Variants in ZNF804B observed in about 807,000 individuals in gnomAD.
ZNF804B encodes the protein zinc finger protein 804B, also known as zinc finger 804B.
A neutral mutation model predicts 101.4 loss-of-function variants in ZNF804B; 80 were observed. The ratio of observed to expected loss-of-function variants is 0.79; its 90% CI spans 0.66 to 0.95. The LOEUF (loss-of-function observed/expected upper bound fraction) is 0.95. ZNF804B is among the 40% of genes least tolerant of loss of function. The pLI, the probability that ZNF804B is intolerant of heterozygous loss-of-function variation, is 0.00. For synonymous variants in ZNF804B, 622 were observed against 558.8 expected, an observed-to-expected ratio of 1.11 and a Z score of -1.59; for missense variants, 1,673 against 1,561.9, an observed-to-expected ratio of 1.07 and a Z score of -1.20.
chr7:89,123,798 G>T (rs919873329), intron 1 of ZNF804B, among the ~76,000 whole-genome samples: 2 of 152,112 alleles, frequency 1.3e-5, no homozygotes, highest in African/African-American at 4.8e-5. Flanking sequence ...AATACAAGTA[G>T]TAATTGGTTT....
chr7:89,336,806 C>T lies in ZNF804B; in HGVS notation c.3824C>T (p.Pro1275Leu), dbSNP rs199881025. ...CCCCTGCATTTAGTAGCTGCTACCC[C>T]CTTCCACCCATCTCACATAACACTT... ...GHPLHLVAAT[P>L]FHPSHITLQP... Residue 1275 changes from proline to leucine, a missense_variant, in exon 4 of 4, where the codon CCC becomes CTC. Coordinates refer to ENST00000333190, the MANE Select transcript of ZNF804B (RefSeq NM_181646.5). The T allele has an allele frequency of 4.3e-6, 7 of 1,613,918 alleles. No individual in the cohort carries two copies. The highest frequency in any genetic ancestry group is 3.3e-5 in the South Asian group (3 of 91,080).
intron 1 of ZNF804B, among the ~76,000 whole-genome samples, chr7:89,089,639 C>A (rs977950819): frequency 1.3e-5 from 2 of 151,416 alleles, no homozygotes; most frequent in Non-Finnish European, 3.0e-5. Context: ...CAACATCAAA[C>A]AAAACATCTA....
chr7:88,911,903 T>C (rs1332809132), intron 1 of ZNF804B, among the ~76,000 whole-genome samples: 2 of 151,880 alleles, frequency 1.3e-5, no homozygotes, highest in Non-Finnish European at 2.9e-5. Context: ...GTATATCTAG[T>C]ATCTTTTAAG....
chr7:89,196,506 A>C (rs1383498454), intron 1 of ZNF804B, among the ~76,000 whole-genome samples: 1 of 152,090 alleles, frequency 6.6e-6, no homozygotes, highest in Non-Finnish European at 1.5e-5. Context: ...TAAATGTAAA[A>C]CCCAAAACCA....
chr7:89,329,483 A>C (rs2115987753), intron 3 of ZNF804B, among the ~76,000 whole-genome samples: 1 of 151,826 alleles, frequency 6.6e-6, no homozygotes, highest in African/African-American at 2.4e-5. Flanking sequence ...TTTCCTCATA[A>C]TGAGGGCTTC....
At chr7:89,106,343 T>G (rs1179186510) in intron 1 of ZNF804B, among the ~76,000 whole-genome samples, 1 of 152,136 alleles carries the variant, frequency 6.6e-6, no homozygotes, top group African/African-American at 2.4e-5. Flanking sequence ...TTAAAGGAGT[T>G]TTTTATACTT....
intron 1 of ZNF804B, among the ~76,000 whole-genome samples, chr7:88,813,301 C>A (rs561951132): frequency 7.0e-4 from 106 of 151,674 alleles, no homozygotes; most frequent in African/African-American, 2.4e-3. Flanking sequence ...GTGGCGGGCG[C>A]ATGTAGTCCC....
At chr7:89,020,411 T>A (rs1284543757) in intron 1 of ZNF804B, among the ~76,000 whole-genome samples, 1 of 152,160 alleles carries the variant, frequency 6.6e-6, no homozygotes, top group Admixed American at 6.5e-5. Flanking sequence ...ACCTTTAAGA[T>A]TTCTGCTGAG....
intron 1 of ZNF804B, among the ~76,000 whole-genome samples, chr7:89,089,108 T>A (rs1042361914): frequency 6.6e-6 from 1 of 150,842 alleles, no homozygotes; most frequent in Admixed American, 6.6e-5. Context: ...TATAGCATAC[T>A]AGCTTAAATG....
chr7:89,314,462 C>A (rs944955428), intron 2 of ZNF804B, among the ~76,000 whole-genome samples: 4 of 152,158 alleles, frequency 2.6e-5, no homozygotes, highest in Non-Finnish European at 4.4e-5. Context: ...TCAATGGAAT[C>A]CCACTGCTGG....
intron 3 of ZNF804B, among the ~76,000 whole-genome samples, chr7:89,327,758 C>G (rs1322454530): frequency 6.6e-6 from 1 of 151,838 alleles, no homozygotes; most frequent in East Asian, 1.9e-4. Context: ...AATATCACTT[C>G]TTAATATATT....
intron 1 of ZNF804B, among the ~76,000 whole-genome samples, chr7:89,038,322 A>G (rs1584089004): frequency 6.6e-6 from 1 of 152,160 alleles, no homozygotes; most frequent in East Asian, 1.9e-4. Flanking sequence ...ATCCTTGCCA[A>G]CACTTACTTT....
At chr7:88,961,221 C>T (rs562951718) in intron 1 of ZNF804B, among the ~76,000 whole-genome samples, 21 of 149,812 alleles carry the variant, frequency 1.4e-4, no homozygotes, top group Middle Eastern at 3.4e-3. Context: ...ATAATTATGT[C>T]GTGTGTTGTA....
chr7:88,794,860 C>T, intron 1 of ZNF804B: 2 of 1,613,034 alleles, frequency 1.2e-6, no homozygotes, highest in Middle Eastern at 3.3e-4. Context: ...CAGGTAATTG[C>T]TACGTGGGAC....
chr7:89,221,748 T>TCTATTCTATC (rs1554380510), intron 2 of ZNF804B, among the ~76,000 whole-genome samples: 19 of 134,920 alleles, frequency 1.4e-4, no homozygotes, highest in Non-Finnish European at 2.4e-4. Context: ...TCTATTCTAT[T>TCTATTCTATC]CTATCTATAT....
At chr7:88,997,906 T>C (rs1410766259) in intron 1 of ZNF804B, among the ~76,000 whole-genome samples, 3 of 152,116 alleles carry the variant, frequency 2.0e-5, no homozygotes, top group Admixed American at 6.6e-5. Flanking sequence ...TTCAGAATGC[T>C]AGTAACTTTT....
At chr7:88,952,542 T>C (rs1163144274) in intron 1 of ZNF804B, among the ~76,000 whole-genome samples, 1 of 151,796 alleles carries the variant, frequency 6.6e-6, no homozygotes, top group Non-Finnish European at 1.5e-5. Context: ...CTGATTATAG[T>C]GATGTAGTCA....
chr7:89,173,908 T>A (rs1004275035), intron 1 of ZNF804B, among the ~76,000 whole-genome samples: 3 of 152,088 alleles, frequency 2.0e-5, no homozygotes, highest in East Asian at 1.9e-4. Flanking sequence ...TCTATTTATC[T>A]TTTTTAATGT....
At chr7:89,210,111 G>A (rs1245506297) in intron 1 of ZNF804B, among the ~76,000 whole-genome samples, 1 of 150,346 alleles carries the variant, frequency 6.7e-6, no homozygotes, top group Non-Finnish European at 1.5e-5. Flanking sequence ...TCATGCCACT[G>A]TACCCCAGCC....
Sources: gnomAD v4.1 joint callset for allele counts (sites outside exome capture counted in the v4.1 genomes callset) on GRCh38, gnomAD v4.1.1 for gene constraint, MANE v1.5 for transcripts, NCBI Gene and HGNC (gene_info 2026-07-23, HGNC 2026-07-21) for gene names.